Variants in PTPRG observed in about 807,000 individuals in gnomAD.
PTPRG encodes protein tyrosine phosphatase receptor type G, also known as receptor-type tyrosine-protein phosphatase gamma.
PTPRG carries 102 observed loss-of-function variants against 165.3 expected under a neutral mutation model. The observed-to-expected ratio is 0.62, with a 90% CI of 0.53 to 0.73. PTPRG has a LOEUF of 0.73. PTPRG is among the 30% of genes least tolerant of loss of function. The pLI is 0.00. For synonymous variants in PTPRG, 675 were observed against 669.5 expected (o/e 1.01, Z -0.13); for missense variants, 1,866 against 1,861.4 (o/e 1.00, Z -0.05).
At chr3:61,788,541 T>C (rs2034778743) in intron 2 of PTPRG, among the ~76,000 whole-genome samples, 2 of 152,240 alleles carry the variant, frequency 1.3e-5, no homozygotes, top group South Asian at 4.1e-4. Context: ...TTTTCCTACA[T>C]TGGTAAATTG....
chr3:61,974,709 G>A (rs909062891), intron 2 of PTPRG, among the ~76,000 whole-genome samples: 1 of 152,080 alleles, frequency 6.6e-6, no homozygotes, highest in Admixed American at 6.5e-5. Context: ...TGATTCTATT[G>A]GAAACGTTGG....
rs1318624654 is a variant in PTPRG, at chr3:62,237,548, A to G, written c.2375+6237A>G. 6.6e-6 allele frequency among the ~76,000 whole-genome samples: 1 copy of G among 152,084 alleles called. No homozygotes were observed. The highest frequency in any genetic ancestry group is 1.5e-5 in the Non-Finnish European group (1 of 68,020). On this transcript the variant is annotated intron_variant, in intron 14 of 29. Transcript: ENST00000474889. This position sits in a 1 kb window ranked among gnomAD's most constrained non-coding sequence, Gnocchi z 4.5. Reference sequence around the variant, plus strand: ...GTTTCACATCCTGACTAAAAGATGTACTCTGCACGTTGTGTGTGCTCTGTT... The same window carrying G: ...GTTTCACATCCTGACTAAAAGATGTGCTCTGCACGTTGTGTGTGCTCTGTT...
chr3:61,881,293 A>G (rs1441652297), intron 2 of PTPRG, among the ~76,000 whole-genome samples: 1 of 152,170 alleles, frequency 6.6e-6, no homozygotes, highest in Non-Finnish European at 1.5e-5. Context: ...ATTGGTTACT[A>G]CTGCATCTAT....
intron 2 of PTPRG, among the ~76,000 whole-genome samples, chr3:61,883,060 G>A (rs1018755867): frequency 4.6e-5 from 7 of 152,156 alleles, no homozygotes; most frequent in Admixed American, 6.5e-5. Flanking sequence ...ATGCACAGAT[G>A]GTCACCAACA....
At chr3:61,931,740 C>T (rs960587334) in intron 2 of PTPRG, among the ~76,000 whole-genome samples, 1 of 152,050 alleles carries the variant, frequency 6.6e-6, no homozygotes, top group Admixed American at 6.6e-5. Context: ...CCCCTCAAAA[C>T]AAAAACAAAA....
intron 2 of PTPRG, among the ~76,000 whole-genome samples, chr3:61,900,618 G>A (rs143028513): frequency 6.6e-6 from 1 of 152,318 alleles, no homozygotes; most frequent in East Asian, 1.9e-4. Context: ...GGCTAAGTAA[G>A]ACAACTGGAG....
At chr3:62,179,894 G>T (rs144254172) in intron 8 of PTPRG, among the ~76,000 whole-genome samples, 261 of 152,312 alleles carry the variant, frequency 1.7e-3, no homozygotes, top group Admixed American at 3.0e-3. Context: ...AAACATTGGA[G>T]TTCATCCTAC....
intron 2 of PTPRG, among the ~76,000 whole-genome samples, chr3:61,836,902 G>T (rs1001891115): frequency 2.0e-5 from 3 of 149,252 alleles, no homozygotes; most frequent in Non-Finnish European, 4.4e-5. Context: ...ACGCCACCAG[G>T]CCTGGCTGAT....
intron 14 of PTPRG, among the ~76,000 whole-genome samples, chr3:62,231,924 C>T (rs1700912833): frequency 6.6e-6 from 1 of 151,970 alleles, no homozygotes; most frequent in African/African-American, 2.4e-5. Flanking sequence ...GTTTGGAACT[C>T]ATGATTGTAC....
At chr3:61,941,201 C>T (rs758362732) in intron 2 of PTPRG, among the ~76,000 whole-genome samples, 3 of 152,358 alleles carry the variant, frequency 2.0e-5, no homozygotes, top group South Asian at 2.1e-4. Flanking sequence ...ATCCAGCAAC[C>T]ATTGTCCTGC....
At chr3:61,783,181 A>C (rs1478459291) in intron 2 of PTPRG, among the ~76,000 whole-genome samples, 3 of 152,110 alleles carry the variant, frequency 2.0e-5, no homozygotes, top group Non-Finnish European at 4.4e-5. Context: ...GTCTCCACTA[A>C]AAATAAAAAT....
intron 1 of PTPRG, among the ~76,000 whole-genome samples, chr3:61,572,277 T>G (rs558141182): frequency 5.9e-5 from 9 of 152,328 alleles, no homozygotes; most frequent in Non-Finnish European, 1.3e-4. Context: ...GAAACCTTAT[T>G]TCTTCTGGAG....
chr3:61,671,183 G>A (rs866636298), intron 1 of PTPRG, among the ~76,000 whole-genome samples: 29 of 142,288 alleles, frequency 2.0e-4, no homozygotes, highest in Non-Finnish European at 2.1e-4. Context: ...GGTGTTTCTC[G>A]CAGAGGGGGA....
intron 2 of PTPRG, among the ~76,000 whole-genome samples, chr3:61,846,562 A>G (rs1014324385): frequency 2.6e-5 from 4 of 152,188 alleles, no homozygotes; most frequent in African/African-American, 9.7e-5. Flanking sequence ...CCTTCTATGC[A>G]TAGAGCTTGC....
chr3:61,995,152 C>T (rs2040997387), intron 3 of PTPRG, among the ~76,000 whole-genome samples: 1 of 136,370 alleles, frequency 7.3e-6, no homozygotes, highest in Admixed American at 7.9e-5. Context: ...GCAATGTCAC[C>T]ATCTTGGTTC....
chr3:61,900,334 A>G (rs1430332001), intron 2 of PTPRG, among the ~76,000 whole-genome samples: 1 of 152,218 alleles, frequency 6.6e-6, no homozygotes, highest in East Asian at 1.9e-4. Context: ...TAGAAAAATA[A>G]ATGACTTCTA....
chr3:62,134,836 A>T (rs1191484372), intron 6 of PTPRG, among the ~76,000 whole-genome samples: 2 of 152,228 alleles, frequency 1.3e-5, no homozygotes, highest in African/African-American at 4.8e-5. Flanking sequence ...ATAAGTGAAA[A>T]TTTTCAAAAT....
Position 62,142,071 on chromosome 3 carries a change from T to C in PTPRG, c.682+9403T>C, listed in dbSNP as rs191302682. Reference sequence around the variant, plus strand: ...GGAAAGAATGGCCCACTCAACAATATGAGTGCATCCGAGATTGGTAAAGTT... The same window carrying C: ...GGAAAGAATGGCCCACTCAACAATACGAGTGCATCCGAGATTGGTAAAGTT... On this transcript the variant is annotated intron_variant, in intron 6 of 29. Transcript: ENST00000474889. Among the ~76,000 whole-genome samples, 28 of 149,906 alleles carry C rather than the reference T, an allele frequency of 1.9e-4. No homozygotes were observed. The East Asian group carries it at 3.9e-3, about 21-fold the overall frequency.
At chr3:61,888,840 TC>T (rs1285124286) in intron 2 of PTPRG, among the ~76,000 whole-genome samples, 6 of 152,232 alleles carry the variant, frequency 3.9e-5, no homozygotes, top group Non-Finnish European at 8.8e-5. Context: ...CTGGAACTGT[TC>T]CTGAGTCTGT....
Sources: gnomAD v4.1 joint callset for allele counts (sites outside exome capture counted in the v4.1 genomes callset) on GRCh38, gnomAD v4.1.1 for gene constraint, Gnocchi (gnomAD v3.1) non-coding constraint, MANE v1.5 for transcripts, NCBI Gene and HGNC (gene_info 2026-07-23, HGNC 2026-07-21) for gene names.